INPP4B: variants seen among roughly 807,000 people sequenced by gnomAD.
INPP4B encodes the protein inositol polyphosphate-4-phosphatase type II B, also known as inositol polyphosphate 4-phosphatase type II.
In INPP4B, 55 loss-of-function variants were observed where a neutral mutation model predicts 122.5. The observed-to-expected ratio is 0.45, with a 90% CI of 0.36 to 0.56. The LOEUF is 0.56. INPP4B is among the 20% of genes least tolerant of loss of function. INPP4B has a pLI of 0.00. For missense variants in INPP4B, 1,000 were observed against 1,097.7 expected, an observed-to-expected ratio of 0.91 and a Z score of 1.26; for synonymous variants, 403 against 388.7, an observed-to-expected ratio of 1.04 and a Z score of -0.43.
intron 2 of INPP4B, among the ~76,000 whole-genome samples, chr4:142,677,275 A>G (rs1395974735): frequency 2.6e-5 from 4 of 152,184 alleles, no homozygotes; most frequent in Admixed American, 2.6e-4. Context: ...GAGAAATGCA[A>G]ATCAAAACCA....
At chr4:142,045,073 A>G (rs2152354404) in intron 25 of INPP4B, among the ~76,000 whole-genome samples, 1 of 152,302 alleles carries the variant, frequency 6.6e-6, no homozygotes, top group South Asian at 2.1e-4. Context: ...TAATGTCAAA[A>G]TATATTAGAA....
At chr4:142,570,143 C>A (rs1053122017) in intron 2 of INPP4B, among the ~76,000 whole-genome samples, 1 of 152,022 alleles carries the variant, frequency 6.6e-6, no homozygotes, top group South Asian at 2.1e-4. Flanking sequence ...TATGAACCAA[C>A]AGAAATAAAC....
At chr4:142,777,698 C>G (rs796316960) in intron 1 of INPP4B, among the ~76,000 whole-genome samples, 7 of 152,314 alleles carry the variant, frequency 4.6e-5, no homozygotes, top group African/African-American at 1.7e-4. Context: ...ACTACTTACA[C>G]AATCATACGA....
intron 1 of INPP4B, among the ~76,000 whole-genome samples, chr4:142,748,443 G>C (rs914516520): frequency 6.6e-6 from 1 of 151,874 alleles, no homozygotes; most frequent in South Asian, 2.1e-4. Context: ...AAAAACACAA[G>C]TTAGTTCTTT....
intron 7 of INPP4B, among the ~76,000 whole-genome samples, chr4:142,359,290 A>T (rs1784647843): frequency 6.6e-6 from 1 of 151,898 alleles, no homozygotes; most frequent in East Asian, 1.9e-4. Flanking sequence ...TAAACAACTA[A>T]TTGCAATCTT....
At chr4:142,061,449 TAAAC>T (rs1760587849) in intron 25 of INPP4B, among the ~76,000 whole-genome samples, 1 of 152,166 alleles carries the variant, frequency 6.6e-6, no homozygotes, top group South Asian at 2.1e-4. Context: ...AATTAATGTG[TAAAC>T]AAACATTTTA....
chr4:142,789,132 G>T lies in INPP4B; in HGVS notation c.-254+57077C>A, dbSNP rs117478966. On this transcript the variant is annotated intron_variant, in intron 1 of 25. Transcript: ENST00000262992. ...ACAAACCCACAGCCAACATAATACC[G>T]ACTGGGAAAAAGTTGAAAGCATTCC... Among the ~76,000 whole-genome samples the T allele has an allele frequency of 9.3e-4, 141 of 152,104 alleles. 5 individuals carry two copies. The East Asian group carries it at 0.025, about 27-fold the overall frequency.
chr4:142,325,309 G>A (rs1275310087), intron 7 of INPP4B, among the ~76,000 whole-genome samples: 2 of 151,742 alleles, frequency 1.3e-5, no homozygotes, highest in African/African-American at 4.9e-5. Flanking sequence ...ATGGTTATAT[G>A]TAACTGGAGA....
chr4:142,807,339 C>T (rs1043717558), intron 1 of INPP4B, among the ~76,000 whole-genome samples: 4 of 152,018 alleles, frequency 2.6e-5, no homozygotes, highest in East Asian at 1.9e-4. Flanking sequence ...TCCAGGAGGA[C>T]GAGATTGCAT....
intron 7 of INPP4B, among the ~76,000 whole-genome samples, chr4:142,362,284 C>T (rs1288467388): frequency 6.6e-6 from 1 of 152,016 alleles, no homozygotes; most frequent in Non-Finnish European, 1.5e-5. Flanking sequence ...CTTTTGTTCA[C>T]TTCTTTAACC....
intron 5 of INPP4B, among the ~76,000 whole-genome samples, chr4:142,425,582 G>A (rs538391284): frequency 6.6e-6 from 1 of 151,922 alleles, no homozygotes; most frequent in East Asian, 1.9e-4. Context: ...CTCCTACTTG[G>A]AAAGTCACCC....
In INPP4B at chr4:142,137,307, G is replaced by T. The variant is rs868717823; in HGVS notation, c.1720+8533C>A. The stretch of plus-strand genomic sequence containing the variant: ...GGAAAGGATTCCCTATTTAATAAAT[G>T]GTGCTGGGAAAACTGGCTAGCCATA... On this transcript the variant is annotated intron_variant, in intron 18 of 25. Coordinates refer to ENST00000262992, the MANE Select transcript of INPP4B (RefSeq NM_001101669.3). Among the ~76,000 whole-genome samples, 519 of 144,214 alleles carry T rather than the reference G, an allele frequency of 3.6e-3. 4 individuals carry two copies. The highest frequency in any genetic ancestry group is 0.013 in the African/African-American group (484 of 38,620). The allele number at this position is 144,214 out of a possible 152,430, so 94.6% of individuals were successfully genotyped here. A position where few individuals can be genotyped will look rare whatever the true frequency, so the allele number is the denominator to read the frequency against.
At chr4:142,576,369 A>T (rs928605500) in intron 2 of INPP4B, among the ~76,000 whole-genome samples, 2 of 152,012 alleles carry the variant, frequency 1.3e-5, no homozygotes, top group African/African-American at 4.8e-5. Context: ...GTTGCCTTTT[A>T]CCTCAACATT....
chr4:142,590,069 A>C (rs1737095767), intron 2 of INPP4B, among the ~76,000 whole-genome samples: 1 of 152,166 alleles, frequency 6.6e-6, no homozygotes, highest in African/African-American at 2.4e-5. Context: ...AACAATAAAT[A>C]TAGCAAAATG....
chr4:142,353,301 T>C (rs1036512035), intron 7 of INPP4B, among the ~76,000 whole-genome samples: 18 of 151,948 alleles, frequency 1.2e-4, no homozygotes, highest in African/African-American at 4.3e-4. Context: ...CAAGCATAAA[T>C]ATTAGCCTCT....
At chr4:142,169,554 G>A (rs2152935771) in intron 16 of INPP4B, among the ~76,000 whole-genome samples, 1 of 151,732 alleles carries the variant, frequency 6.6e-6, no homozygotes, top group Non-Finnish European at 1.5e-5. Context: ...AAAACATCCT[G>A]ATTGTATATG....
At chr4:142,075,530 A>G (rs1341796490) in intron 25 of INPP4B, among the ~76,000 whole-genome samples, 1 of 152,046 alleles carries the variant, frequency 6.6e-6, no homozygotes, top group African/African-American at 2.4e-5. Context: ...GCCTTTTAGA[A>G]ACCAAATGTT....
chr4:142,806,786 G>GAAGGAAGGAAGGAAAGAAAGAAA (rs1554013556), intron 1 of INPP4B, among the ~76,000 whole-genome samples: 1 of 75,948 alleles, frequency 1.3e-5, no homozygotes, highest in African/African-American at 5.2e-5. Context: ...AAAGAAAGAA[G>GAAGGAAGGAAGGAAAGAAAGAAA]GAAAGAAAGA....
At chr4:142,807,660 G>A (rs1001317184) in intron 1 of INPP4B, among the ~76,000 whole-genome samples, 1 of 152,098 alleles carries the variant, frequency 6.6e-6, no homozygotes, top group Non-Finnish European at 1.5e-5. Flanking sequence ...TGATGAGAAC[G>A]ATGTTTCCTT....
Sources: gnomAD v4.1 joint callset for allele counts (sites outside exome capture counted in the v4.1 genomes callset) on GRCh38, gnomAD v4.1.1 for gene constraint, MANE v1.5 for transcripts, NCBI Gene and HGNC (gene_info 2026-07-23, HGNC 2026-07-21) for gene names.